VTI1A: variants seen among roughly 807,000 people sequenced by gnomAD.
VTI1A encodes vesicle transport through interaction with t-SNAREs 1A, also known as vesicle transport through interaction with t-SNAREs homolog 1A.
A neutral mutation model predicts 34.9 loss-of-function variants in VTI1A; 22 were observed. That is an observed-to-expected ratio of 0.63 (90% CI 0.45 to 0.90). VTI1A has a LOEUF of 0.90. VTI1A is among the 40% of genes least tolerant of loss of function. VTI1A has a pLI of 0.00. For synonymous variants in VTI1A, 87 were observed against 97.3 expected (o/e 0.89, Z 0.62); for missense variants, 268 against 275.6 (o/e 0.97, Z 0.20).
At chr10:112,551,940 T>C (rs966327474) in intron 5 of VTI1A, among the ~76,000 whole-genome samples, 5 of 152,234 alleles carry the variant, frequency 3.3e-5, no homozygotes, top group Non-Finnish European at 4.4e-5. Flanking sequence ...ATAACACTTA[T>C]TTTTAAAACA....
At chr10:112,655,318 C>T (rs1466201603) in intron 5 of VTI1A, among the ~76,000 whole-genome samples, 1 of 152,002 alleles carries the variant, frequency 6.6e-6, no homozygotes, top group Non-Finnish European at 1.5e-5. Context: ...AAAAATTAAC[C>T]CAGAACAAAG....
intron 7 of VTI1A, among the ~76,000 whole-genome samples, chr10:112,709,221 CCTT>C (rs1412194649): frequency 1.3e-5 from 2 of 152,150 alleles, no homozygotes; most frequent in Non-Finnish European, 2.9e-5. Context: ...TTTTTGTGTC[CCTT>C]CTTTAAGAGT....
At chr10:112,617,646 G>A (rs1363029650) in intron 5 of VTI1A, among the ~76,000 whole-genome samples, 1 of 151,978 alleles carries the variant, frequency 6.6e-6, no homozygotes. Flanking sequence ...TGTATTTTCA[G>A]GACAGGTGTA....
intron 7 of VTI1A, among the ~76,000 whole-genome samples, chr10:112,799,924 C>CAGAG (rs59003027): frequency 8.8e-5 from 13 of 148,266 alleles, no homozygotes; most frequent in South Asian, 4.3e-4. Flanking sequence ...CCCTGGAGCC[C>CAGAG]AGAGAGAGAG....
chr10:112,492,096 A>C (rs372169061), intron 3 of VTI1A, among the ~76,000 whole-genome samples: 1 of 152,138 alleles, frequency 6.6e-6, no homozygotes, highest in East Asian at 1.9e-4. Flanking sequence ...CCTAGACATA[A>C]TGTTCTTAAA....
intron 3 of VTI1A, among the ~76,000 whole-genome samples, chr10:112,488,998 CA>C (rs1455041655): frequency 1.3e-5 from 2 of 152,166 alleles, no homozygotes; most frequent in Non-Finnish European, 2.9e-5. Context: ...CTCATCTGTA[CA>C]ATGAAGTGCT....
chr10:112,812,910 G>A (rs1853368045), intron 7 of VTI1A, among the ~76,000 whole-genome samples: 1 of 152,142 alleles, frequency 6.6e-6, no homozygotes, highest in Non-Finnish European at 1.5e-5. Context: ...CCTTTTCCAT[G>A]CAGACTTCCT....
At chr10:112,849,045 A>G in the VTI1A span, among the ~76,000 whole-genome samples, 2 of 152,326 alleles carry the variant, frequency 1.3e-5, no homozygotes, top group East Asian at 1.9e-4. Flanking sequence ...TTCTGGACCC[A>G]TGACCAACTT....
chr10:112,544,901 T>G (rs1429385331), intron 5 of VTI1A, among the ~76,000 whole-genome samples: 1 of 152,034 alleles, frequency 6.6e-6, no homozygotes, highest in Non-Finnish European at 1.5e-5. Context: ...TGGGGCAAGT[T>G]GTGTGGGGCC....
intron 3 of VTI1A, among the ~76,000 whole-genome samples, chr10:112,501,483 A>G (rs1344127696): frequency 1.3e-5 from 2 of 152,184 alleles, no homozygotes; most frequent in African/African-American, 4.8e-5. Context: ...ATGAACAAAA[A>G]GAAAGAAATG....
intron 7 of VTI1A, among the ~76,000 whole-genome samples, chr10:112,726,766 GT>G (rs1850044273): frequency 6.6e-6 from 1 of 152,102 alleles, no homozygotes; most frequent in African/African-American, 2.4e-5. Context: ...AGTTTCATTT[GT>G]TTTCATAGAC....
intron 5 of VTI1A, among the ~76,000 whole-genome samples, chr10:112,570,740 A>G (rs966774938): frequency 6.6e-6 from 1 of 152,276 alleles, no homozygotes; most frequent in African/African-American, 2.4e-5. Flanking sequence ...GAGCCAGTAG[A>G]GGAATTCAGC....
At chr10:112,651,856 T>C (rs531125769) in intron 5 of VTI1A, among the ~76,000 whole-genome samples, 10 of 152,340 alleles carry the variant, frequency 6.6e-5, no homozygotes, top group Admixed American at 3.9e-4. Flanking sequence ...AAGTCTGTTT[T>C]ATCAAAGGAA....
chr10:112,609,209 G>C (rs1845200741), intron 5 of VTI1A, among the ~76,000 whole-genome samples: 1 of 152,152 alleles, frequency 6.6e-6, no homozygotes, highest in Non-Finnish European at 1.5e-5. Flanking sequence ...AAAGGATTAA[G>C]TGATGAGGTG....
rs530393302 is a variant in VTI1A at position 112,780,698 on chromosome 10, T to C, written c.561-34592T>C. On this transcript the variant is annotated intron_variant, in intron 7 of 7. Transcript: ENST00000393077. Reference sequence around the variant, plus strand: ...TTAGGAAACTAAATATCAGTAAAATTAGTATGTGGCTTTCTCAAAGCCACA... The same window carrying C: ...TTAGGAAACTAAATATCAGTAAAATCAGTATGTGGCTTTCTCAAAGCCACA... 6.6e-5 allele frequency among the ~76,000 whole-genome samples: 10 copies of C among 152,226 alleles called. No individual in the cohort carries two copies. The East Asian group carries it at 1.2e-3, about 18-fold the overall frequency.
At chr10:112,538,447 A>G in intron 5 of VTI1A, 117 bp downstream of exon 5, 1 of 932,874 alleles carries the variant, frequency 1.1e-6, no homozygotes, top group Non-Finnish European at 1.7e-6. Context: ...GATGTGGTTT[A>G]CATATTGGGG....
intron 5 of VTI1A, among the ~76,000 whole-genome samples, chr10:112,545,114 CA>C (rs1166053317): frequency 6.6e-6 from 1 of 152,170 alleles, no homozygotes; most frequent in Non-Finnish European, 1.5e-5. Context: ...AAATTGCCAA[CA>C]GAGGAATTTG....
chr10:112,744,857 C>T (rs975235303), intron 7 of VTI1A, among the ~76,000 whole-genome samples: 12 of 152,166 alleles, frequency 7.9e-5, no homozygotes, highest in African/African-American at 2.9e-4. Context: ...CATCTTGTCT[C>T]ATTTCATCCT....
chr10:112,803,230 G>A (rs192694961), intron 7 of VTI1A, among the ~76,000 whole-genome samples: 55 of 152,134 alleles, frequency 3.6e-4, no homozygotes, highest in African/African-American at 1.2e-3. Flanking sequence ...CACCATGCCC[G>A]GCTAATTTTG....
Sources: gnomAD v4.1 joint callset for allele counts (sites outside exome capture counted in the v4.1 genomes callset) on GRCh38, gnomAD v4.1.1 for gene constraint, MANE v1.5 for transcripts, NCBI Gene and HGNC (gene_info 2026-07-23, HGNC 2026-07-21) for gene names.